Variants in MROH9 observed in about 807,000 individuals in gnomAD.
The protein encoded by MROH9 is maestro heat like repeat family member 9.
Under a neutral mutation model 98.2 loss-of-function variants are expected in MROH9, and 92 were observed. The ratio of observed to expected loss-of-function variants is 0.94; its 90% CI spans 0.79 to 1.11. MROH9 has a LOEUF of 1.11. MROH9 is among the 50% of genes most tolerant of loss of function. The pLI, the probability that MROH9 is intolerant of heterozygous loss-of-function variation, is 0.00. For missense variants in MROH9, 1,057 were observed against 1,014.8 expected (o/e 1.04, Z -0.57); for synonymous variants, 397 against 368.9 (o/e 1.08, Z -0.87).
chr1:171,056,475 C>CCAACAACTCTAACCAG (rs1653840768), intron 20 of MROH9, among the ~76,000 whole-genome samples: 1 of 152,192 alleles, frequency 6.6e-6, no homozygotes, highest in African/African-American at 2.4e-5. Context: ...GGCTCAGGGA[C>CCAACAACTCTAACCAG]AGAACCCAGA....
Position 170,983,407 on chromosome 1 carries a change from T to G in MROH9, c.617-15T>G. 6.4e-7 allele frequency: 1 copy of G among 1,560,080 alleles called. No individual in the cohort carries two copies. Among genetic ancestry groups the G allele is most frequent in the East Asian group, 2.3e-5 (1 of 44,414 alleles). On this transcript the variant is annotated splice_polypyrimidine_tract_variant and intron_variant, in intron 8 of 21. Transcript: ENST00000367759. ...ATCAAATAACAACCTGAAACTCTTT[T>G]TCTTAACAAAGCAGATATTGGAACA...
chr1:170,997,393 T>C (rs1651621574), intron 14 of MROH9, among the ~76,000 whole-genome samples: 1 of 152,128 alleles, frequency 6.6e-6, no homozygotes. Flanking sequence ...CTTTGGATAT[T>C]CTTACTCAAA....
At chr1:170,985,358 T>C (rs939926949) in intron 9 of MROH9, among the ~76,000 whole-genome samples, 1 of 152,146 alleles carries the variant, frequency 6.6e-6, no homozygotes, top group Non-Finnish European at 1.5e-5. Context: ...CAAGAACATG[T>C]AACAACACGG....
At chr1:170,972,994 A>G (rs1180434310) in intron 8 of MROH9, among the ~76,000 whole-genome samples, 1 of 151,986 alleles carries the variant, frequency 6.6e-6, no homozygotes, top group Non-Finnish European at 1.5e-5. Context: ...AGCCAACACA[A>G]AAAGAGATAA....
At chr1:170,951,303 A>G (rs970600364) in intron 3 of MROH9, among the ~76,000 whole-genome samples, 1 of 152,146 alleles carries the variant, frequency 6.6e-6, no homozygotes, top group Non-Finnish European at 1.5e-5. Flanking sequence ...GAATAATAGG[A>G]GTTAGTGAAC....
intron 5 of MROH9, among the ~76,000 whole-genome samples, chr1:170,960,780 A>G (rs1649987983): frequency 6.6e-6 from 1 of 151,970 alleles, no homozygotes; most frequent in South Asian, 2.1e-4. Context: ...GCACCACCAT[A>G]CCTGGCTAAT....
intron 15 of MROH9, among the ~76,000 whole-genome samples, chr1:171,006,302 G>T (rs1355175569): frequency 6.6e-6 from 1 of 152,142 alleles, no homozygotes; most frequent in Non-Finnish European, 1.5e-5. Context: ...CCTTATGCTA[G>T]TTTCTTTGTA....
In MROH9 at chr1:170,971,869, C is replaced by A. The variant is rs1557879414; in HGVS notation, c.602C>A (p.Ala201Glu). Residue 201 changes from alanine to glutamate, a missense_variant, in exon 8 of 22, where the codon GCA becomes GAA. Ala to Glu is a moderately radical substitution (Grantham distance 107, BLOSUM62 -1). Transcript: ENST00000367759. ...SLGMCHLLYI[A>E]RCQNDIGTNK... ...GGAATGTGTCACCTCCTCTACATTGCACGGTGTCAGAACGGTAAGAACAGT... is the reference window on the plus strand; with the variant it reads ...GGAATGTGTCACCTCCTCTACATTGAACGGTGTCAGAACGGTAAGAACAGT... 4 of 1,614,000 alleles carry A rather than the reference C, an allele frequency of 2.5e-6. No homozygotes were observed. Among genetic ancestry groups the A allele is most frequent in the Non-Finnish European group, 3.4e-6 (4 of 1,179,912 alleles).
chr1:171,059,056 T>C (rs1258791409), intron 20 of MROH9, among the ~76,000 whole-genome samples: 1 of 152,190 alleles, frequency 6.6e-6, no homozygotes, highest in African/African-American at 2.4e-5. Flanking sequence ...ACAGGCAACC[T>C]ACAGAATGGG....
intron 8 of MROH9, among the ~76,000 whole-genome samples, chr1:170,973,311 C>T (rs1650547458): frequency 6.6e-6 from 1 of 152,064 alleles, no homozygotes. Flanking sequence ...AGTGATAATG[C>T]CTGTGCCTGT....
chr1:170,968,038 C>T (rs1650299692), intron 7 of MROH9, among the ~76,000 whole-genome samples: 2 of 152,020 alleles, frequency 1.3e-5, no homozygotes, highest in African/African-American at 2.4e-5. Flanking sequence ...GCTAGTGATG[C>T]CAACAAATTT....
intron 2 of MROH9, 114 bp from the exon 3 acceptor site, chr1:170,947,413 T>G: frequency 1.3e-6 from 1 of 796,448 alleles, no homozygotes. Flanking sequence ...TGCATGTCCT[T>G]GTTGGGCTTT....
chr1:170,945,443 C>G, intron 1 of MROH9, 77 bp from the exon 2 acceptor site: 1 of 884,698 alleles, frequency 1.1e-6, no homozygotes, highest in Admixed American at 1.9e-5. Context: ...TATCATAGTA[C>G]CATCCATATT....
intron 15 of MROH9, among the ~76,000 whole-genome samples, chr1:171,005,152 T>A (rs1242393656): frequency 1.3e-5 from 2 of 152,130 alleles, no homozygotes; most frequent in Non-Finnish European, 2.9e-5. Flanking sequence ...GCAACCTGTG[T>A]CCTCCATGCT....
intron 20 of MROH9, among the ~76,000 whole-genome samples, chr1:171,055,085 C>T (rs1165528886): frequency 6.7e-6 from 1 of 150,004 alleles, no homozygotes; most frequent in Admixed American, 6.6e-5. Flanking sequence ...GTACAATTTG[C>T]AATTGCAAAA....
intron 15 of MROH9, among the ~76,000 whole-genome samples, chr1:171,005,364 C>T (rs185122625): frequency 4.6e-5 from 7 of 152,268 alleles, no homozygotes; most frequent in Non-Finnish European, 2.9e-5. Flanking sequence ...AGCCATCACG[C>T]CTGGCCAGTA....
intron 20 of MROH9, among the ~76,000 whole-genome samples, chr1:171,027,181 T>C (rs73040208): frequency 0.046 from 7,072 of 152,166 alleles, 537 homozygotes; most frequent in African/African-American, 0.16. Flanking sequence ...CCCTATTGAC[T>C]GGCCCTCTAA....
intron 3 of MROH9, among the ~76,000 whole-genome samples, chr1:170,953,356 A>G (rs1214422049): frequency 3.3e-5 from 5 of 151,938 alleles, no homozygotes; most frequent in Non-Finnish European, 5.9e-5. Context: ...ATCAAGTCCA[A>G]TTTACCATTT....
At chr1:170,978,611 G>T (rs1483854306) in intron 8 of MROH9, among the ~76,000 whole-genome samples, 4 of 152,202 alleles carry the variant, frequency 2.6e-5, no homozygotes, top group African/African-American at 4.8e-5. Flanking sequence ...GCTGCTAAGG[G>T]AGTACTACTG....
Sources: gnomAD v4.1 joint callset for allele counts (sites outside exome capture counted in the v4.1 genomes callset) on GRCh38, gnomAD v4.1.1 for gene constraint, MANE v1.5 for transcripts, NCBI Gene and HGNC (gene_info 2026-07-23, HGNC 2026-07-21) for gene names.